FBRSL1: variants seen among roughly 807,000 people sequenced by gnomAD.
The protein encoded by FBRSL1 is fibrosin-1-like protein.
Under a neutral mutation model 89.6 loss-of-function variants are expected in FBRSL1, and 51 were observed. The observed-to-expected ratio is 0.57, with a 90% CI of 0.45 to 0.72. The LOEUF is 0.72. Ranked by LOEUF, FBRSL1 falls within the 30% of genes least tolerant of loss-of-function variation. The probability of loss-of-function intolerance (pLI) is 0.00; values close to 1 mark genes in which losing one functional copy is unlikely to be tolerated. For synonymous variants in FBRSL1, 779 were observed against 681.1 expected, an observed-to-expected ratio of 1.14 and a Z score of -2.24; for missense variants, 1,618 against 1,451.8, an observed-to-expected ratio of 1.11 and a Z score of -1.86.
chr12:132,571,407 G>C, intron 9 of FBRSL1, 176 bp downstream of exon 9: 1 of 1,550,932 alleles, frequency 6.4e-7, no homozygotes, highest in Non-Finnish European at 8.7e-7. Flanking sequence ...TGCGGGCGGA[G>C]TTCCATCAGC....
At chr12:132,532,778 G>A (rs1398753798) in intron 4 of FBRSL1, among the ~76,000 whole-genome samples, 2 of 152,234 alleles carry the variant, frequency 1.3e-5, no homozygotes, top group East Asian at 1.9e-4. Context: ...AGAGGGGCCG[G>A]TGAGAGGCCC....
Position 132,583,396 on chromosome 12 carries a change from C to A in FBRSL1, c.2627C>A (p.Ala876Asp). ...PAAAPAPGSA[A>D]LLEPPERPYR... ...GCCGCCCCCGCCCCGGGCTCCGCCG[C>A]CCTCTTGGAGCCCCCGGAGCGCCCC... Residue 876 changes from alanine (A) to aspartate (D), a missense_variant, in exon 19 of 19, where the codon GCC becomes GAC. Coordinates refer to ENST00000680143, the MANE Select transcript of FBRSL1 (RefSeq NM_001367871.1). The A allele has an allele frequency of 9.2e-7, 1 of 1,083,124 alleles. No individual in the cohort carries two copies. Among genetic ancestry groups the A allele is most frequent in the South Asian group, 3.0e-5 (1 of 33,170 alleles). The allele number at this position is 1,083,124 out of a possible 1,614,324, so 67.1% of individuals were successfully genotyped here.
chr12:132,580,661 G>T (rs2040682512), intron 15 of FBRSL1: 1 of 477,736 alleles, frequency 2.1e-6, no homozygotes, highest in Non-Finnish European at 2.7e-6. Flanking sequence ...CAGCTCAGTG[G>T]AGACCAGAAG....
chr12:132,581,190 A>AGGCG, intron 15 of FBRSL1: 3 of 984,478 alleles, frequency 3.0e-6, no homozygotes, highest in Non-Finnish European at 3.6e-6. Flanking sequence ...CGCACTCAGC[A>AGGCG]CCTCCCTCCC....
At chr12:132,512,350 T>G (rs114497156) in intron 2 of FBRSL1, among the ~76,000 whole-genome samples, 233 of 152,352 alleles carry the variant, frequency 1.5e-3, no homozygotes, top group African/African-American at 5.4e-3. Context: ...CAGCCCAGCA[T>G]CCTCTGCACA....
intron 5 of FBRSL1, among the ~76,000 whole-genome samples, chr12:132,550,462 G>T (rs919613118): frequency 6.6e-6 from 1 of 152,202 alleles, no homozygotes. Flanking sequence ...GGCCCCGTTT[G>T]CTTCTGTTGG....
At chr12:132,582,809 G>C (rs950247831) in intron 18 of FBRSL1, among the ~76,000 whole-genome samples, 162 bp from the exon 19 acceptor site, 1 of 152,096 alleles carries the variant, frequency 6.6e-6, no homozygotes, top group East Asian at 1.9e-4. Context: ...GAGAGGACGC[G>C]TAGGTTTTGG....
chr12:132,574,090 A>G lies in FBRSL1; in HGVS notation c.1531A>G (p.Thr511Ala), dbSNP rs2040225119. 1.0e-5 allele frequency: 13 copies of G among 1,304,526 alleles called. No individual in the cohort carries two copies. Among genetic ancestry groups the G allele is most frequent in the Non-Finnish European group, 1.3e-5 (13 of 1,028,822 alleles). The allele number at this position is 1,304,526 out of a possible 1,614,324, so 80.8% of individuals were successfully genotyped here. A position where few individuals can be genotyped will look rare whatever the true frequency, so the allele number is the denominator to read the frequency against. ...ACAAGCTGTCTCTTTCTCCCCTCAG[A>G]CTTCAAGCCCCATTGAGGTGGCCCG... ...GSLQGAFQPK[T>A]SSPIEVARRA... The change falls in exon 12 of 19, where the codon ACT (threonine) becomes GCT (alanine). Residue 511 changes from threonine to alanine, a missense_variant and splice_region_variant. Thr to Ala is a moderately conservative substitution (Grantham distance 58). Coordinates refer to ENST00000680143, the MANE Select transcript of FBRSL1 (RefSeq NM_001367871.1).
chr12:132,569,216 T>TG (rs11328074), intron 6 of FBRSL1, among the ~76,000 whole-genome samples: 28 of 73,126 alleles, frequency 3.8e-4, no homozygotes, highest in Non-Finnish European at 5.4e-4. Context: ...TGTGCGGGGG[T>TG]GGGGGGGGCA....
chr12:132,518,013 G>T (rs546585685), intron 2 of FBRSL1, among the ~76,000 whole-genome samples: 6 of 152,062 alleles, frequency 3.9e-5, no homozygotes, highest in Admixed American at 6.5e-5. Flanking sequence ...CAGAGCTGGC[G>T]GCACACACCT....
intron 4 of FBRSL1, among the ~76,000 whole-genome samples, chr12:132,530,522 C>G (rs1240757078): frequency 2.6e-5 from 4 of 151,946 alleles, no homozygotes; most frequent in Admixed American, 1.3e-4. Flanking sequence ...CCCAGCTGGT[C>G]TGAGGTCCCC....
At chr12:132,509,885 C>T in intron 2 of FBRSL1, 1 of 1,231,876 alleles carries the variant, frequency 8.1e-7, no homozygotes, top group Non-Finnish European at 1.0e-6. Context: ...CCAGCTTCCT[C>T]CCAGGACAGT....
chr12:132,574,307 C>T lies in FBRSL1; in HGVS notation c.1600-12C>T. 3.3e-6 allele frequency: 5 copies of T among 1,535,112 alleles called. No homozygotes were observed. Among genetic ancestry groups the T allele is most frequent in the South Asian group, 1.2e-5 (1 of 81,376 alleles). Reference sequence around the variant, plus strand: ...GGGGCCCGGACCTCACACTCCTTTCCTGTCTCCACAGGTGTCTGACCCGTA... The same window carrying T: ...GGGGCCCGGACCTCACACTCCTTTCTTGTCTCCACAGGTGTCTGACCCGTA... On this transcript the variant is annotated splice_polypyrimidine_tract_variant and intron_variant, in intron 12 of 18. Coordinates refer to ENST00000680143, the MANE Select transcript of FBRSL1 (RefSeq NM_001367871.1).
At chr12:132,538,196 T>C (rs1189498480) in intron 4 of FBRSL1, among the ~76,000 whole-genome samples, 1 of 151,822 alleles carries the variant, frequency 6.6e-6, no homozygotes, top group Non-Finnish European at 1.5e-5. Flanking sequence ...CCTGGGAGGG[T>C]GTGTTCTCCA....
At chr12:132,509,290 C>T (rs1566114917) in intron 2 of FBRSL1, 7 of 1,252,492 alleles carry the variant, frequency 5.6e-6, no homozygotes, top group Admixed American at 4.2e-5. Flanking sequence ...CCAGCCCCGT[C>T]GGCACTCCCG....
intron 4 of FBRSL1, among the ~76,000 whole-genome samples, chr12:132,530,304 G>T (rs1409925061): frequency 6.6e-6 from 1 of 152,236 alleles, no homozygotes; most frequent in African/African-American, 2.4e-5. Context: ...GGGTCAAGTG[G>T]GGTGTCCTGA....
intron 7 of FBRSL1, 38 bp downstream of exon 7, chr12:132,570,279 AG>A: frequency 6.6e-7 from 1 of 1,506,622 alleles, no homozygotes; most frequent in Non-Finnish European, 8.8e-7. Flanking sequence ...GTGTGGTCTC[AG>A]GATGGGGGCT....
intron 1 of FBRSL1, among the ~76,000 whole-genome samples, chr12:132,493,601 C>T (rs1346379079): frequency 6.6e-6 from 1 of 152,236 alleles, no homozygotes; most frequent in Non-Finnish European, 1.5e-5. Flanking sequence ...TGCCCTGTGC[C>T]CGGGGCAGGT....
At chr12:132,519,432 A>G (rs911715720) in intron 2 of FBRSL1, among the ~76,000 whole-genome samples, 2 of 152,224 alleles carry the variant, frequency 1.3e-5, no homozygotes, top group African/African-American at 2.4e-5. Flanking sequence ...GGTCCTGGAG[A>G]CAGACAACAG....
Sources: gnomAD v4.1 joint callset for allele counts (sites outside exome capture counted in the v4.1 genomes callset) on GRCh38, gnomAD v4.1.1 for gene constraint, MANE v1.5 for transcripts, NCBI Gene and HGNC (gene_info 2026-07-23, HGNC 2026-07-21) for gene names.